SS18L1: variants seen among roughly 807,000 people sequenced by gnomAD.
SS18L1 encodes the protein SS18L1 subunit of BAF chromatin remodeling complex.
SS18L1 carries 32 observed loss-of-function variants against 70.3 expected under a neutral mutation model. The observed-to-expected ratio is 0.46, with a 90% CI of 0.34 to 0.61. The LOEUF is 0.61. SS18L1 is among the 20% of genes least tolerant of loss of function. The probability of loss-of-function intolerance (pLI) is 0.01; values close to 1 mark genes in which losing one functional copy is unlikely to be tolerated. For synonymous variants in SS18L1, 237 were observed against 229.7 expected, an observed-to-expected ratio of 1.03 and a Z score of -0.29; for missense variants, 430 against 542.1, an observed-to-expected ratio of 0.79 and a Z score of 2.05.
At chr20:62,163,744 G>A (rs2057375804) in intron 6 of SS18L1, 122 bp downstream of exon 6, 3 of 1,339,064 alleles carry the variant, frequency 2.2e-6, no homozygotes, top group Non-Finnish European at 3.0e-6. Flanking sequence ...GGGGGAGTGA[G>A]GCTTGGCGCC....
Position 62,180,981 on chromosome 20 carries a change from T to C in SS18L1, c.*1773T>C, listed in dbSNP as rs1389855131. 1.1e-5 allele frequency: 2 copies of C among 181,848 alleles called. No homozygotes were observed. The highest frequency in any genetic ancestry group is 9.0e-5 in the East Asian group (1 of 11,132). The allele number at this position is 181,848 out of a possible 1,614,324, so 11.3% of individuals were successfully genotyped here. A position where few individuals can be genotyped will look rare whatever the true frequency, so the allele number is the denominator to read the frequency against. On this transcript the variant is annotated 3_prime_UTR_variant, in exon 11 of 11. Transcript: ENST00000331758. Reference sequence around the variant, plus strand: ...TGCTTTAGAATTTATAAGTCACTTATGTGTTTTGCTTGAATTAATTCTGAC... The same window carrying C: ...TGCTTTAGAATTTATAAGTCACTTACGTGTTTTGCTTGAATTAATTCTGAC...
chr20:62,168,480 G>T (rs1481012227), intron 8 of SS18L1, among the ~76,000 whole-genome samples: 2 of 152,096 alleles, frequency 1.3e-5, no homozygotes, highest in African/African-American at 4.8e-5. Context: ...TGGGTCAAAG[G>T]CACCATAAAG....
intron 10 of SS18L1, among the ~76,000 whole-genome samples, chr20:62,175,839 C>T (rs776196632): frequency 1.3e-5 from 2 of 152,244 alleles, no homozygotes; most frequent in African/African-American, 2.4e-5. Context: ...GCCAGGGCAC[C>T]GTACTCGGCC....
Position 62,158,641 on chromosome 20 carries a change from T to C in SS18L1, c.70-31T>C. ...CCCGAGGGTCAGCGACAGCCCCGCG[T>C]CGGCAGCGCCCGCTCACGCTCTCTC... On this transcript the variant is annotated intron_variant, in intron 1 of 10. Coordinates refer to ENST00000331758, the MANE Select transcript of SS18L1 (RefSeq NM_198935.3). This position sits in a 1 kb window ranked among gnomAD's most constrained non-coding sequence, Gnocchi z 4.5. 1 of 1,609,430 alleles carries C rather than the reference T, an allele frequency of 6.2e-7. No individual in the cohort carries two copies. Among genetic ancestry groups the C allele is most frequent in the Non-Finnish European group, 8.5e-7 (1 of 1,179,272 alleles).
intron 7 of SS18L1, 21 bp from the exon 8 acceptor site, chr20:62,165,401 C>A: frequency 6.2e-7 from 1 of 1,603,314 alleles, no homozygotes; most frequent in South Asian, 1.1e-5. Flanking sequence ...CGCTGACTGT[C>A]GCCGTCTCCG....
intron 1 of SS18L1, among the ~76,000 whole-genome samples, chr20:62,155,575 G>T (rs1317712441): frequency 6.6e-6 from 1 of 152,012 alleles, no homozygotes; most frequent in Admixed American, 6.6e-5. Flanking sequence ...CTATGCTCAG[G>T]CAGGCGTGTG....
chr20:62,178,547 C>T (rs552458129), intron 10 of SS18L1, among the ~76,000 whole-genome samples: 187 of 152,210 alleles, frequency 1.2e-3, no homozygotes, highest in African/African-American at 4.4e-3. Context: ...CCTCCTGCCT[C>T]GGCCTCCCAA....
Position 62,182,484 on chromosome 20 carries a change from C to A in SS18L1, c.*3276C>A, listed in dbSNP as rs141316717. The A allele has an allele frequency of 6.0e-3, 1,124 of 186,844 alleles. 3 individuals are homozygous for A. The highest frequency in any genetic ancestry group is 9.6e-3 in the Non-Finnish European group (846 of 87,874). The allele number at this position is 186,844 out of a possible 1,614,324, so 11.6% of individuals were successfully genotyped here. Reference sequence around the variant, plus strand: ...CTTAATAAACTGGTTCTTCAAAAATCATCCTATAAAGTGAGTTTTCATGAA... The same window carrying A: ...CTTAATAAACTGGTTCTTCAAAAATAATCCTATAAAGTGAGTTTTCATGAA... On this transcript the variant is annotated 3_prime_UTR_variant, in exon 11 of 11. Transcript: ENST00000331758.
rs10673768 is a variant in SS18L1, at chr20:62,146,605, A to ATTTTTTTTTTTTTTT, written c.69+2723_69+2737dup. ...CATCCAGCGTGTCTCTGCTTTGATC[A>ATTTTTTTTTTTTTTT]TTTTTTTTTTTTTTTTTTTTTGAGA... On this transcript the variant is annotated intron_variant, in intron 1 of 10. Transcript: ENST00000331758. Among the ~76,000 whole-genome samples, 18 of 79,720 alleles carry ATTTTTTTTTTTTTTT rather than the reference A, an allele frequency of 2.3e-4. 1 individual carries two copies. Among genetic ancestry groups the ATTTTTTTTTTTTTTT allele is most frequent in the African/African-American group, 5.7e-4 (11 of 19,192 alleles). The allele number at this position is 79,720 out of a possible 152,430, so 52.3% of individuals were successfully genotyped here.
At chr20:62,176,946 G>A (rs1366139348) in intron 10 of SS18L1, among the ~76,000 whole-genome samples, 3 of 152,214 alleles carry the variant, frequency 2.0e-5, no homozygotes, top group Admixed American at 1.3e-4. Flanking sequence ...CAGCACTGCC[G>A]GCGCTGGGCG....
intron 1 of SS18L1, chr20:62,154,561 C>T: frequency 9.9e-7 from 1 of 1,011,318 alleles, no homozygotes; most frequent in Non-Finnish European, 1.2e-6. Context: ...CAGGGGGTGT[C>T]CCTTGGTATG....
intron 8 of SS18L1, among the ~76,000 whole-genome samples, chr20:62,171,657 T>C (rs1227354085): frequency 6.6e-6 from 1 of 152,260 alleles, no homozygotes; most frequent in East Asian, 1.9e-4. Context: ...ATTGCAGTTT[T>C]AAAATACTTA....
At chr20:62,150,590 C>T (rs964180099) in intron 1 of SS18L1, among the ~76,000 whole-genome samples, 3 of 140,204 alleles carry the variant, frequency 2.1e-5, no homozygotes, top group Non-Finnish European at 4.6e-5. Flanking sequence ...TACGTTGTGT[C>T]CATGTTGTGG....
chr20:62,168,291 G>A (rs1011878810), intron 8 of SS18L1, among the ~76,000 whole-genome samples: 12 of 152,186 alleles, frequency 7.9e-5, no homozygotes, highest in Non-Finnish European at 1.5e-4. Flanking sequence ...ACTCTGACAT[G>A]AGGAGTGCAC....
In SS18L1 at chr20:62,162,844, C is replaced by G; in HGVS notation, c.469C>G (p.Pro157Ala). The part of the protein sequence containing the change: ...ISGPGYSHAG[P>A]ASQGVPMQGQ... ...TGGGCCCGGCTACAGCCACGCGGGA[C>G]CCGCCTCGCAGGGCGTCCCCATGCA... Residue 157 changes from proline (P) to alanine (A), a missense_variant, in exon 5 of 11, where the codon CCC (proline) becomes GCC (alanine). By Grantham distance (27) the Pro-to-Ala change is conservative. Transcript: ENST00000331758. 6.2e-7 allele frequency: 1 copy of G among 1,612,878 alleles called. No individual in the cohort carries two copies. The highest frequency in any genetic ancestry group is 8.5e-7 in the Non-Finnish European group (1 of 1,179,952).
At position 62,174,568 on chromosome 20, in the gene SS18L1, G is replaced by T. The variant is rs1344797637; in HGVS notation, c.1088G>T (p.Gly363Val). Residue 363 changes from glycine to valine, a missense_variant, in exon 10 of 11, where the codon GGC becomes GTC. Coordinates refer to ENST00000331758, the MANE Select transcript of SS18L1 (RefSeq NM_198935.3). The surrounding 1 kb of genome is among the most constrained non-coding windows in gnomAD (Gnocchi z 4.1). Reference sequence around the variant, plus strand: ...TACCCCGGCTACCAGCAAGGCCAAGGCCAGCAGTACGGAAGCTACCGAGCA... The same window carrying T: ...TACCCCGGCTACCAGCAAGGCCAAGTCCAGCAGTACGGAAGCTACCGAGCA... ...SQYPGYQQGQ[G>V]QQYGSYRAPQ... is the part of the protein sequence containing the mutation. 46 of 1,613,878 alleles carry T rather than the reference G, an allele frequency of 2.9e-5. No homozygotes were observed. Among genetic ancestry groups the T allele is most frequent in the Non-Finnish European group, 3.8e-5 (45 of 1,180,042 alleles).
intron 1 of SS18L1, chr20:62,154,532 G>C: frequency 9.8e-7 from 1 of 1,016,302 alleles, no homozygotes; most frequent in South Asian, 4.6e-5. Flanking sequence ...GTCTCCGTTG[G>C]GACTGGGTCA....
chr20:62,170,817 T>G (rs1168945799), intron 8 of SS18L1, among the ~76,000 whole-genome samples: 1 of 152,106 alleles, frequency 6.6e-6, no homozygotes, highest in East Asian at 1.9e-4. Flanking sequence ...TGTTCTGAGC[T>G]GGCACTCTCA....
intron 1 of SS18L1, among the ~76,000 whole-genome samples, chr20:62,144,467 GA>G (rs2056985522): frequency 6.6e-6 from 1 of 152,214 alleles, no homozygotes; most frequent in Admixed American, 6.5e-5. Context: ...TGGAGGCACG[GA>G]AGGACGCGTC....
Sources: gnomAD v4.1 joint callset for allele counts (sites outside exome capture counted in the v4.1 genomes callset) on GRCh38, gnomAD v4.1.1 for gene constraint, Gnocchi (gnomAD v3.1) non-coding constraint, MANE v1.5 for transcripts, NCBI Gene and HGNC (gene_info 2026-07-23, HGNC 2026-07-21) for gene names.